ADGRL3: variants seen among roughly 807,000 people sequenced by gnomAD.
ADGRL3 encodes adhesion G protein-coupled receptor L3.
ADGRL3 carries 62 observed loss-of-function variants against 153.5 expected under a neutral mutation model. That is an observed-to-expected ratio of 0.40 (90% CI 0.33 to 0.50). The LOEUF (loss-of-function observed/expected upper bound fraction) is 0.50. Among genes scored for constraint, ADGRL3 ranks in the 20% least tolerant of loss-of-function variants. The pLI, the probability that ADGRL3 is intolerant of heterozygous loss-of-function variation, is 0.47. For missense variants in ADGRL3, 1,641 were observed against 1,859.4 expected (o/e 0.88, Z 2.16); for synonymous variants, 710 against 672.5 (o/e 1.06, Z -0.86).
intron 9 of ADGRL3, among the ~76,000 whole-genome samples, chr4:61,818,697 T>C (rs192990328): frequency 6.6e-6 from 1 of 152,196 alleles, no homozygotes; most frequent in East Asian, 1.9e-4. Flanking sequence ...CTACCTCAAA[T>C]TGTGCTCTCT....
At chr4:61,267,239 A>T (rs996737094) in intron 1 of ADGRL3, among the ~76,000 whole-genome samples, 2 of 151,766 alleles carry the variant, frequency 1.3e-5, no homozygotes, top group Non-Finnish European at 3.0e-5. Context: ...GATATTTATG[A>T]AGCATCAATC....
At chr4:61,599,979 G>A (rs1321968695) in intron 5 of ADGRL3, among the ~76,000 whole-genome samples, 5 of 152,120 alleles carry the variant, frequency 3.3e-5, no homozygotes, top group Non-Finnish European at 5.9e-5. Context: ...TTATTGGCAA[G>A]ATAAAAAATT....
chr4:61,386,892 C>G (rs1052133400), intron 2 of ADGRL3, among the ~76,000 whole-genome samples: 4 of 152,086 alleles, frequency 2.6e-5, no homozygotes, highest in Non-Finnish European at 5.9e-5. Flanking sequence ...TTATTGATAT[C>G]TATTTTATAT....
chr4:61,817,732 G>T (rs575423013), intron 9 of ADGRL3, among the ~76,000 whole-genome samples: 2 of 152,282 alleles, frequency 1.3e-5, no homozygotes, highest in East Asian at 3.9e-4. Flanking sequence ...TCACAATCAT[G>T]GTAGAAGGTG....
chr4:61,551,498 G>C (rs2098740298), intron 4 of ADGRL3, among the ~76,000 whole-genome samples: 1 of 152,094 alleles, frequency 6.6e-6, no homozygotes, highest in African/African-American at 2.4e-5. Context: ...TGTGATAATT[G>C]AAGAATCCAG....
At chr4:61,609,061 G>A (rs529543742) in intron 5 of ADGRL3, among the ~76,000 whole-genome samples, 63 of 152,156 alleles carry the variant, frequency 4.1e-4, no homozygotes, top group African/African-American at 1.5e-3. Context: ...ATTTGTTAGT[G>A]TTTATGTAGA....
chr4:61,323,145 T>G (rs2095396830), intron 1 of ADGRL3, among the ~76,000 whole-genome samples: 1 of 152,176 alleles, frequency 6.6e-6, no homozygotes, highest in African/African-American at 2.4e-5. Context: ...AAGCTCTACA[T>G]TGGACCCTTT....
At chr4:61,580,537 A>T (rs1053217845) in intron 4 of ADGRL3, among the ~76,000 whole-genome samples, 1 of 152,110 alleles carries the variant, frequency 6.6e-6, no homozygotes, top group Non-Finnish European at 1.5e-5. Flanking sequence ...GATAGCCAAA[A>T]ACTCTGTGGC....
At chr4:61,312,212 C>G (rs1235317138) in intron 1 of ADGRL3, among the ~76,000 whole-genome samples, 1 of 151,988 alleles carries the variant, frequency 6.6e-6, no homozygotes, top group East Asian at 1.9e-4. Flanking sequence ...ACTAGATATC[C>G]ACATGAAAAA....
intron 6 of ADGRL3, 167 bp downstream of exon 6, chr4:61,677,102 T>G: frequency 3.6e-6 from 2 of 560,678 alleles, no homozygotes; most frequent in South Asian, 4.6e-5. Flanking sequence ...TCAGAAGAAT[T>G]AGATATTGCC....
At chr4:61,611,340 G>A (rs2091322660) in intron 5 of ADGRL3, among the ~76,000 whole-genome samples, 2 of 152,160 alleles carry the variant, frequency 1.3e-5, no homozygotes, top group Admixed American at 6.5e-5. Context: ...CATACCTGAT[G>A]AGAGTGTTGT....
intron 9 of ADGRL3, among the ~76,000 whole-genome samples, chr4:61,884,660 T>C (rs192302616): frequency 0.016 from 2,473 of 152,114 alleles, 57 homozygotes; most frequent in African/African-American, 0.057. Flanking sequence ...AGTCTCGCTC[T>C]GTCACCCGGG....
intron 4 of ADGRL3, among the ~76,000 whole-genome samples, chr4:61,540,847 G>C (rs1192966189): frequency 2.6e-5 from 4 of 152,120 alleles, no homozygotes; most frequent in Non-Finnish European, 4.4e-5. Context: ...ATTAGGAACA[G>C]CAAGGGGCAT....
intron 6 of ADGRL3, among the ~76,000 whole-genome samples, chr4:61,690,379 G>T (rs1225006914): frequency 6.6e-6 from 1 of 151,992 alleles, no homozygotes; most frequent in Admixed American, 6.6e-5. Flanking sequence ...GGAGGTTGCG[G>T]TTGCAGTGTC....
chr4:61,979,201 T>A (rs933074634), intron 17 of ADGRL3, among the ~76,000 whole-genome samples: 18 of 152,298 alleles, frequency 1.2e-4, no homozygotes, highest in African/African-American at 4.1e-4. Flanking sequence ...CTGGAGATGG[T>A]CTGAAAATTA....
chr4:62,010,327 A>G (rs540425805), intron 21 of ADGRL3, among the ~76,000 whole-genome samples: 1 of 151,800 alleles, frequency 6.6e-6, no homozygotes, highest in East Asian at 1.9e-4. Context: ...CCCTCAACAC[A>G]CCTAGTCATC....
chr4:61,577,241 A>G (rs1579633559), intron 4 of ADGRL3, among the ~76,000 whole-genome samples: 2 of 148,838 alleles, frequency 1.3e-5, no homozygotes, highest in South Asian at 2.2e-4. Flanking sequence ...TGAGGGAGGG[A>G]AGGGAAGAAT....
chr4:61,273,116 G>T lies in ADGRL3; in HGVS notation c.-240+71351G>T, dbSNP rs567993255. 6.6e-5 allele frequency among the ~76,000 whole-genome samples: 10 copies of T among 152,276 alleles called. No individual in the cohort carries two copies. The East Asian group carries it at 1.9e-3, about 29-fold the overall frequency. ...AAATGCTTAATACAATTTCTGAGCT[G>T]TTAGCTCTTTTTATTTTTGTTGTTG... On this transcript the variant is annotated intron_variant, in intron 1 of 26. Transcript: ENST00000683033.
intron 25 of ADGRL3, among the ~76,000 whole-genome samples, chr4:62,066,503 T>C (rs987744894): frequency 6.6e-6 from 1 of 152,102 alleles, no homozygotes; most frequent in Non-Finnish European, 1.5e-5. Flanking sequence ...TATCTGGAAA[T>C]ATTTTAAATT....
Sources: gnomAD v4.1 joint callset for allele counts (sites outside exome capture counted in the v4.1 genomes callset) on GRCh38, gnomAD v4.1.1 for gene constraint, MANE v1.5 for transcripts, NCBI Gene and HGNC (gene_info 2026-07-23, HGNC 2026-07-21) for gene names.